Variants in P4HB observed in about 807,000 individuals in gnomAD.
The protein encoded by P4HB is protein disulfide-isomerase.
Under a neutral mutation model 52.6 loss-of-function variants are expected in P4HB, and 20 were observed. The observed-to-expected ratio is 0.38, with a 90% confidence interval of 0.27 to 0.55. The LOEUF is 0.55. Among genes scored for constraint, P4HB ranks in the 20% least tolerant of loss-of-function variants. The probability of loss-of-function intolerance (pLI) is 0.74; values close to 1 mark genes in which losing one functional copy is unlikely to be tolerated. For missense variants in P4HB, 601 were observed against 669.2 expected, an observed-to-expected ratio of 0.90 and a Z score of 1.12; for synonymous variants, 296 against 277.9, an observed-to-expected ratio of 1.07 and a Z score of -0.65.
chr17:81,848,740 A>G (rs1439320682), intron 4 of P4HB, among the ~76,000 whole-genome samples: 8 of 142,628 alleles, frequency 5.6e-5, no homozygotes, highest in African/African-American at 2.1e-4. Context: ...CTGTCTCAAA[A>G]AAAAAAAAAA....
rs762542893 is a variant in P4HB, at chr17:81,847,007, C to T, written c.795G>A (p.Val265=). 6 of 1,614,006 alleles carry T rather than the reference C, an allele frequency of 3.7e-6. No homozygotes were observed. In the African/African-American group the frequency reaches 6.7e-5, roughly 18 times the overall value. The part of the protein sequence containing the change: ...THILLFLPKS[V]SDYDGKLSNF... The stretch of plus-strand genomic sequence containing the variant: ...TGCTCAGTTTGCCGTCATAGTCAGA[C>T]ACACTCTTGGGCAAGAACAGCAGGA... The change falls in exon 6 of 11, where the codon GTG becomes GTA. Residue 265 remains valine, a synonymous_variant. Transcript: ENST00000331483.
At position 81,847,034 on chromosome 17, in the gene P4HB, G is replaced by GT. The variant is rs1567836714; in HGVS notation, c.767dup (p.His256GlnfsTer12). The GT allele has an allele frequency of 6.2e-7, 1 of 1,614,072 alleles. No homozygotes were observed. The highest frequency in any genetic ancestry group is 8.5e-7 in the Non-Finnish European group (1 of 1,179,990). On this transcript the variant is annotated frameshift_variant, in exon 6 of 11. Transcript: ENST00000331483. LOFTEE classifies it high-confidence loss of function. ...CACTCTTGGGCAAGAACAGCAGGAT[G>GT]TGAGTCTTGATTTCACCTCCAAAAA...
rs1418070726 is a variant in P4HB at position 81,855,888 on chromosome 17, G to A, written c.353-302C>T. 3.2e-6 allele frequency: 1 copy of A among 315,034 alleles called. No individual in the cohort carries two copies. Among genetic ancestry groups the A allele is most frequent in the Non-Finnish European group, 5.9e-6 (1 of 170,584 alleles). The allele number at this position is 315,034 out of a possible 1,614,324, so 19.5% of individuals were successfully genotyped here. A position where few individuals can be genotyped will look rare whatever the true frequency, so the allele number is the denominator to read the frequency against. ...CTCTCTGCATTTTCTTTTTTCTTTT[G>A]ACACAGGGGCTCACTCTGTTACCCA... On this transcript the variant is annotated intron_variant, in intron 2 of 10. Coordinates refer to ENST00000331483, the MANE Select transcript of P4HB (RefSeq NM_000918.4). This position sits in a 1 kb window ranked among gnomAD's most constrained non-coding sequence, Gnocchi z 4.3.
chr17:81,843,909 G>A lies in P4HB; in HGVS notation c.*103C>T, dbSNP rs200134721. ...CAGAGAGGTTCCCTGGGTTTCCGGC[G>A]ACGCCCTCCTTCAAGCGAGGCCGCA... On this transcript the variant is annotated 3_prime_UTR_variant, in exon 11 of 11. Transcript: ENST00000331483. 1.0e-4 allele frequency: 84 copies of A among 839,524 alleles called. No individual in the cohort carries two copies. The highest frequency in any genetic ancestry group is 1.7e-4 in the Admixed American group (10 of 57,460). 52.0% of individuals were successfully genotyped at this position (839,524 alleles called of 1,614,324 possible).
rs1403797502 is a variant in P4HB at position 81,845,718 on chromosome 17, T to C, written c.1202A>G (p.Lys401Arg). ...TTTATCCCAAATGGGAGCCAACTGT[T>C]TGCAGTGACCACACCATGGGGCATC... is the stretch of plus-strand genomic sequence containing the variant. Reference protein sequence around the residue: ...EFYAPWCGHCKQLAPIWDKLG... With the variant: ...EFYAPWCGHCRQLAPIWDKLG... The change falls in exon 9 of 11, where the codon AAA (lysine) becomes AGA (arginine). Residue 401 changes from lysine (K) to arginine (R), a missense_variant. Transcript: ENST00000331483. 6.2e-7 allele frequency: 1 copy of C among 1,613,566 alleles called. No individual in the cohort carries two copies. The highest frequency in any genetic ancestry group is 1.7e-5 in the Admixed American group (1 of 59,970).
intron 1 of P4HB, 112 bp from the exon 2 acceptor site, chr17:81,859,499 T>C: frequency 1.1e-6 from 1 of 931,328 alleles, no homozygotes; most frequent in Non-Finnish European, 1.7e-6. Context: ...AAACCTTATC[T>C]ACTCACCAAG....
At chr17:81,860,133 G>A (rs2038975453) in intron 1 of P4HB, 194 bp downstream of exon 1, 4 of 425,496 alleles carry the variant, frequency 9.4e-6, no homozygotes, top group East Asian at 3.8e-5. Context: ...GCATCGGGAC[G>A]GCCCCCCGGC....
At chr17:81,847,477 G>T (rs2038755203) in intron 4 of P4HB, 130 bp from the exon 5 acceptor site, 2 of 738,372 alleles carry the variant, frequency 2.7e-6, no homozygotes, top group Non-Finnish European at 4.9e-6. Context: ...CGAGCCACAG[G>T]TCCAGCAATG....
At chr17:81,857,909 T>C (rs2038936166) in intron 2 of P4HB, among the ~76,000 whole-genome samples, 1 of 152,140 alleles carries the variant, frequency 6.6e-6, no homozygotes. Context: ...GGAGTGCTCA[T>C]CTCATCTGCA....
intron 10 of P4HB, among the ~76,000 whole-genome samples, chr17:81,844,905 T>C (rs1382293355): frequency 1.3e-5 from 2 of 152,264 alleles, no homozygotes; most frequent in African/African-American, 4.8e-5. Context: ...ATCTGGTTTT[T>C]AAAGATGCCT....
chr17:81,852,846 T>C (rs1353622505), intron 4 of P4HB, among the ~76,000 whole-genome samples: 1 of 152,226 alleles, frequency 6.6e-6, no homozygotes, highest in Non-Finnish European at 1.5e-5. Context: ...GAAGGAGCTG[T>C]GGGCTGTGTG....
Position 81,855,753 on chromosome 17 carries a change from C to G in P4HB, c.353-167G>C. The G allele has an allele frequency of 1.5e-6, 1 of 683,998 alleles. No homozygotes were observed. The highest frequency in any genetic ancestry group is 2.4e-6 in the Non-Finnish European group (1 of 416,462). The allele number at this position is 683,998 out of a possible 1,614,324, so 42.4% of individuals were successfully genotyped here. The stretch of plus-strand genomic sequence containing the variant: ...AGGCCCGGTGCCGTCCGCCCGCCTC[C>G]TAAACCCCAGTGTACGTGAGACTGT... On this transcript the variant is annotated intron_variant, in intron 2 of 10. Transcript: ENST00000331483. The surrounding 1 kb of genome is among the most constrained non-coding windows in gnomAD (Gnocchi z 4.3).
intron 4 of P4HB, among the ~76,000 whole-genome samples, chr17:81,853,280 A>G (rs996319686): frequency 2.6e-5 from 4 of 152,194 alleles, no homozygotes; most frequent in African/African-American, 9.6e-5. Flanking sequence ...CTCCGTGCTT[A>G]CTACAGAAAG....
At position 81,846,894 on chromosome 17, in the gene P4HB, A is replaced by G; in HGVS notation, c.855+53T>C. ...GCCCCACACTTGTCACCTCGGGAAG[A>G]GTTGTACTGCTCCCTGGCACCGCCC... is the stretch of plus-strand genomic sequence containing the variant. On this transcript the variant is annotated intron_variant, in intron 6 of 10. Coordinates refer to ENST00000331483, the MANE Select transcript of P4HB (RefSeq NM_000918.4). The surrounding 1 kb of genome is among the most constrained non-coding windows in gnomAD (Gnocchi z 5.7). 5 of 1,608,172 alleles carry G rather than the reference A, an allele frequency of 3.1e-6. No individual in the cohort carries two copies. In the South Asian group the frequency reaches 5.5e-5, roughly 18 times the overall value.
At chr17:81,851,756 C>T (rs535765458) in intron 4 of P4HB, among the ~76,000 whole-genome samples, 77 of 152,362 alleles carry the variant, frequency 5.1e-4, no homozygotes, top group Middle Eastern at 6.8e-3. Context: ...TGTCCCAGGG[C>T]TGCCATCGTT....
At chr17:81,851,502 G>A (rs2038830234) in intron 4 of P4HB, among the ~76,000 whole-genome samples, 1 of 152,240 alleles carries the variant, frequency 6.6e-6, no homozygotes, top group Non-Finnish European at 1.5e-5. Context: ...GGTAAGGAGA[G>A]GCAGAAAAGC....
intron 4 of P4HB, among the ~76,000 whole-genome samples, chr17:81,852,195 A>G (rs2038842972): frequency 6.6e-6 from 1 of 152,138 alleles, no homozygotes; most frequent in African/African-American, 2.4e-5. Context: ...CAACAATAAC[A>G]GGCCCAGTGC....
In P4HB at chr17:81,845,459, C is replaced by T. The variant is rs2038718990; in HGVS notation, c.1359+102G>A. 7 of 1,208,296 alleles carry T rather than the reference C, an allele frequency of 5.8e-6. No homozygotes were observed. The South Asian group carries it at 1.1e-4, about 18-fold the overall frequency. The allele number at this position is 1,208,296 out of a possible 1,614,324, so 74.8% of individuals were successfully genotyped here. On this transcript the variant is annotated intron_variant, in intron 9 of 10. Coordinates refer to ENST00000331483, the MANE Select transcript of P4HB (RefSeq NM_000918.4). ...AGGAGCTCCCACAGCTCTTCTCCCA[C>T]CTGACTAGCCCCAGGCTCCTTCCAG...
At chr17:81,848,143 G>A (rs896373303) in intron 4 of P4HB, among the ~76,000 whole-genome samples, 8 of 152,110 alleles carry the variant, frequency 5.3e-5, no homozygotes, top group Non-Finnish European at 8.8e-5. Flanking sequence ...CTCGTGATCT[G>A]CCCGCCTCGG....
Sources: gnomAD v4.1 joint callset for allele counts (sites outside exome capture counted in the v4.1 genomes callset) on GRCh38, gnomAD v4.1.1 for gene constraint, Gnocchi (gnomAD v3.1) non-coding constraint, MANE v1.5 for transcripts, NCBI Gene and HGNC (gene_info 2026-07-23, HGNC 2026-07-21) for gene names.